WASF2: variants seen among roughly 807,000 people sequenced by gnomAD.
WASF2 encodes actin-binding protein WASF2.
Under a neutral mutation model 45.0 loss-of-function variants are expected in WASF2, and 14 were observed. The ratio of observed to expected loss-of-function variants is 0.31; its 90% CI spans 0.21 to 0.49. The LOEUF (loss-of-function observed/expected upper bound fraction) is 0.49. WASF2 is among the 20% of genes least tolerant of loss of function. The probability of loss-of-function intolerance (pLI) is 0.99; values close to 1 mark genes in which losing one functional copy is unlikely to be tolerated. For synonymous variants in WASF2, 200 were observed against 236.3 expected (o/e 0.85, Z 1.41); for missense variants, 439 against 636.1 (o/e 0.69, Z 3.33).
intron 1 of WASF2, among the ~76,000 whole-genome samples, chr1:27,475,330 T>C (rs2017751935): frequency 6.6e-6 from 1 of 152,154 alleles, no homozygotes; most frequent in Admixed American, 6.6e-5. Flanking sequence ...TCCAATCACA[T>C]ATTTTGTTAC....
chr1:27,471,424 G>A (rs536143263), intron 1 of WASF2, among the ~76,000 whole-genome samples: 7 of 151,812 alleles, frequency 4.6e-5, no homozygotes, highest in Admixed American at 1.3e-4. Context: ...AAGCTGTGAC[G>A]GAAGAATCGC....
At chr1:27,437,219 T>C (rs749811122) in intron 1 of WASF2, among the ~76,000 whole-genome samples, 11 of 152,368 alleles carry the variant, frequency 7.2e-5, no homozygotes, top group Non-Finnish European at 1.3e-4. Flanking sequence ...TGGTTTCTTC[T>C]AGTATCAACT....
intron 7 of WASF2, among the ~76,000 whole-genome samples, chr1:27,411,895 T>G (rs1035696111): frequency 7.9e-5 from 12 of 152,090 alleles, no homozygotes; most frequent in Admixed American, 2.6e-4. Flanking sequence ...AAAATAAAGT[T>G]AAGGAAAAAA....
chr1:27,415,994 T>C lies in WASF2; in HGVS notation c.528A>G (p.Arg176=). Residue 176 remains arginine, a synonymous_variant, in exon 5 of 9, where the codon AGA becomes AGG. Coordinates refer to ENST00000618852, the MANE Select transcript of WASF2 (RefSeq NM_006990.5). ...QDTKDIMKEK[R]KHRKEKKDNP... is the part of the protein sequence containing the mutation. ...GCCCCTTTCCCCTCACCCTATGCTT[T>C]CTCTTCTCTTTCATGATATCCTTGG... 1 of 1,613,898 alleles carries C rather than the reference T, an allele frequency of 6.2e-7. No individual in the cohort carries two copies. The highest frequency in any genetic ancestry group is 1.3e-5 in the African/African-American group (1 of 75,036).
chr1:27,489,348 T>TACACACACACACAC (rs10636716), intron 1 of WASF2, among the ~76,000 whole-genome samples: 5 of 10,102 alleles, frequency 4.9e-4, no homozygotes, highest in African/African-American at 7.5e-4. Flanking sequence ...TACTTCATGG[T>TACACACACACACAC]ACACACACAC....
intron 1 of WASF2, among the ~76,000 whole-genome samples, chr1:27,443,548 G>A (rs1229124224): frequency 1.3e-5 from 2 of 151,876 alleles, no homozygotes; most frequent in African/African-American, 2.4e-5. Flanking sequence ...AGGAGGCGGA[G>A]GTTGCAGTGA....
rs945356415 is a variant in WASF2 at position 27,405,438 on chromosome 1, G to C, written c.*2751C>G. On this transcript the variant is annotated 3_prime_UTR_variant, in exon 9 of 9. Transcript: ENST00000618852. The stretch of plus-strand genomic sequence containing the variant: ...GGAAGGGAGGAGGCTCCTTGGCTTC[G>C]GCGCTTAGGAGTCCTTATGGGCCAT... 6 of 152,206 alleles carry C rather than the reference G, an allele frequency of 3.9e-5. No homozygotes were observed. The highest frequency in any genetic ancestry group is 1.2e-4 in the African/African-American group (5 of 41,412). 9.4% of individuals were successfully genotyped at this position (152,206 alleles called of 1,614,324 possible).
chr1:27,439,760 G>A (rs2017182927), intron 1 of WASF2, among the ~76,000 whole-genome samples: 2 of 152,176 alleles, frequency 1.3e-5, no homozygotes, highest in South Asian at 2.1e-4. Context: ...AGCACTTTGG[G>A]AGGCCGAGGT....
chr1:27,461,958 G>A (rs1392999365), intron 1 of WASF2, among the ~76,000 whole-genome samples: 9 of 151,014 alleles, frequency 6.0e-5, no homozygotes, highest in Admixed American at 4.6e-4. Context: ...TACCACACAC[G>A]GCCACTCACT....
At chr1:27,429,072 T>G (rs2017026855) in intron 1 of WASF2, 139 bp from the exon 2 acceptor site, 3 of 716,604 alleles carry the variant, frequency 4.2e-6, no homozygotes, top group Admixed American at 6.4e-5. Flanking sequence ...TCTCCCTATC[T>G]TTTTTTTTCT....
intron 1 of WASF2, among the ~76,000 whole-genome samples, chr1:27,489,043 G>A (rs970296356): frequency 8.6e-5 from 13 of 152,000 alleles, no homozygotes; most frequent in Admixed American, 2.6e-4. Flanking sequence ...ATTCCAATCA[G>A]AGCCCCAAGG....
intron 1 of WASF2, among the ~76,000 whole-genome samples, chr1:27,448,096 T>C (rs2017333899): frequency 6.6e-6 from 1 of 152,244 alleles, no homozygotes; most frequent in Non-Finnish European, 1.5e-5. Context: ...GCTCTCCCTC[T>C]GACCTCTTGG....
chr1:27,477,143 G>A (rs2017776561), intron 1 of WASF2, among the ~76,000 whole-genome samples: 1 of 152,186 alleles, frequency 6.6e-6, no homozygotes, highest in Non-Finnish European at 1.5e-5. Context: ...TGTAGTTGTA[G>A]TCATCATAGC....
Position 27,408,491 on chromosome 1 carries a change from G to C in WASF2, c.1340-145C>G, listed in dbSNP as rs186212277. The C allele has an allele frequency of 4.0e-4, 474 of 1,178,634 alleles. 2 individuals carry two copies. The African/African-American group carries it at 4.3e-3, about 11-fold the overall frequency. The allele number at this position is 1,178,634 out of a possible 1,614,324, so 73.0% of individuals were successfully genotyped here. A position where few individuals can be genotyped will look rare whatever the true frequency, so the allele number is the denominator to read the frequency against. The stretch of plus-strand genomic sequence containing the variant: ...AGAAGGTTGTTATGGAAAAGCAGAA[G>C]AAGATGAGTTTATGAAATTGATGGC... On this transcript the variant is annotated intron_variant, in intron 8 of 8. Coordinates refer to ENST00000618852, the MANE Select transcript of WASF2 (RefSeq NM_006990.5).
chr1:27,447,595 C>A (rs954983605), intron 1 of WASF2, among the ~76,000 whole-genome samples: 1 of 152,096 alleles, frequency 6.6e-6, no homozygotes, highest in Non-Finnish European at 1.5e-5. Context: ...TTTTGTGGTC[C>A]GAAAAGACAG....
chr1:27,428,847 C>T lies in WASF2; in HGVS notation c.44G>A (p.Arg15His), dbSNP rs1374759153. Residue 15 changes from arginine (R) to histidine (H), a missense_variant, in exon 2 of 9, where the codon CGT (arginine) becomes CAT (histidine). By Grantham distance (29) the Arg-to-His change is conservative (BLOSUM62 0). Coordinates refer to ENST00000618852, the MANE Select transcript of WASF2 (RefSeq NM_006990.5). ...GCTTCTAACGCTAGGCAACGTCTGA[C>T]GGCACAGGTGCCTTGGCTCGATGTT... ...TRNIEPRHLC[R>H]QTLPSVRSEL... 16 of 1,614,008 alleles carry T rather than the reference C, an allele frequency of 9.9e-6. No homozygotes were observed. Among genetic ancestry groups the T allele is most frequent in the Middle Eastern group, 1.6e-4 (1 of 6,082 alleles).
intron 2 of WASF2, among the ~76,000 whole-genome samples, chr1:27,425,356 G>T (rs901956449): frequency 2.6e-5 from 4 of 152,130 alleles, no homozygotes; most frequent in South Asian, 2.1e-4. Context: ...CTAGAGTACT[G>T]GGATTACAGG....
intron 1 of WASF2, among the ~76,000 whole-genome samples, chr1:27,447,119 G>A (rs912379118): frequency 1.4e-4 from 22 of 152,240 alleles, no homozygotes; most frequent in Admixed American, 3.9e-4. Context: ...GAAAAATTAA[G>A]AAGATGGAGT....
intron 1 of WASF2, among the ~76,000 whole-genome samples, chr1:27,472,301 T>G (rs562178046): frequency 1.4e-4 from 20 of 143,712 alleles, no homozygotes; most frequent in African/African-American, 5.2e-4. Context: ...CTCCAGCCTG[T>G]GTGCCAGAGC....
Sources: gnomAD v4.1 joint callset for allele counts (sites outside exome capture counted in the v4.1 genomes callset) on GRCh38, gnomAD v4.1.1 for gene constraint, MANE v1.5 for transcripts, NCBI Gene and HGNC (gene_info 2026-07-23, HGNC 2026-07-21) for gene names.